SMG1: variants seen among roughly 807,000 people sequenced by gnomAD.
SMG1 encodes the protein serine/threonine-protein kinase SMG1.
Under a neutral mutation model 419.9 loss-of-function variants are expected in SMG1, and 22 were observed. That is an observed-to-expected ratio of 0.05 (90% CI 0.04 to 0.07). The LOEUF (loss-of-function observed/expected upper bound fraction) is 0.07, where lower values mean the gene tolerates loss of function less well. SMG1 is among the 10% of genes least tolerant of loss of function. The pLI is 1.00. For synonymous variants in SMG1, 1,538 were observed against 1,553.5 expected, an observed-to-expected ratio of 0.99 and a Z score of 0.23; for missense variants, 3,185 against 4,342.0, an observed-to-expected ratio of 0.73 and a Z score of 7.49.
intron 23 of SMG1, among the ~76,000 whole-genome samples, chr16:18,864,939 T>TA (rs1384540393): frequency 2.0e-5 from 3 of 152,132 alleles, no homozygotes; most frequent in Non-Finnish European, 2.9e-5. Flanking sequence ...TAAATGTTTT[T>TA]AAAAAAATGT....
In SMG1 at chr16:18,915,842, G is replaced by A. The variant is rs1212929024; in HGVS notation, c.92+10108C>T. 4.6e-5 allele frequency among the ~76,000 whole-genome samples: 7 copies of A among 151,620 alleles called. No homozygotes were observed. The East Asian group carries it at 9.9e-4, about 21-fold the overall frequency. ...CCAGCACTTTGGGAGGCCGAGGCAGGTGGATCACCTGAGGTCAGGAGTTCA... is the reference window on the plus strand; with the variant it reads ...CCAGCACTTTGGGAGGCCGAGGCAGATGGATCACCTGAGGTCAGGAGTTCA... On this transcript the variant is annotated intron_variant, in intron 1 of 62. Coordinates refer to ENST00000446231, the MANE Select transcript of SMG1 (RefSeq NM_015092.5).
intron 35 of SMG1, 41 bp from the exon 36 acceptor site, chr16:18,849,419 A>C: frequency 1.9e-6 from 3 of 1,556,736 alleles, no homozygotes; most frequent in Non-Finnish European, 2.6e-6. Flanking sequence ...AAAGTTATTT[A>C]AAACTATGAA....
chr16:18,897,842 G>A (rs2037195023), intron 1 of SMG1, among the ~76,000 whole-genome samples: 2 of 149,234 alleles, frequency 1.3e-5, no homozygotes, highest in Non-Finnish European at 3.0e-5. Context: ...TATAGCATAC[G>A]AAAAATCCAA....
chr16:18,880,549 C>A (rs1482407740), intron 10 of SMG1, among the ~76,000 whole-genome samples: 1 of 152,056 alleles, frequency 6.6e-6, no homozygotes, highest in Non-Finnish European at 1.5e-5. Flanking sequence ...CTCATCTCTA[C>A]TAAATTTGTT....
intron 55 of SMG1, among the ~76,000 whole-genome samples, chr16:18,827,470 T>A (rs1003725710): frequency 9.4e-5 from 13 of 138,212 alleles, no homozygotes; most frequent in South Asian, 2.3e-4. Flanking sequence ...ATATATATAT[T>A]TTTATATATA....
intron 1 of SMG1, among the ~76,000 whole-genome samples, chr16:18,906,892 T>G (rs1171318869): frequency 1.3e-5 from 2 of 152,240 alleles, no homozygotes; most frequent in African/African-American, 4.8e-5. Flanking sequence ...GCTCATCCTT[T>G]CAGCAGCTTT....
chr16:18,828,683 A>G (rs2032934173), intron 54 of SMG1, among the ~76,000 whole-genome samples: 1 of 152,262 alleles, frequency 6.6e-6, no homozygotes, highest in South Asian at 2.1e-4. Flanking sequence ...GCATACCTAC[A>G]TATGAATGAA....
At chr16:18,840,792 A>T (rs1299642207) in intron 41 of SMG1, among the ~76,000 whole-genome samples, 1 of 152,206 alleles carries the variant, frequency 6.6e-6, no homozygotes, top group Non-Finnish European at 1.5e-5. Flanking sequence ...CAATAAAAAC[A>T]CTAAGATGTA....
chr16:18,836,159 G>T lies in SMG1; in HGVS notation c.7831C>A (p.His2611Asn). The T allele has an allele frequency of 6.2e-7, 1 of 1,611,628 alleles. No individual in the cohort carries two copies. Among genetic ancestry groups the T allele is most frequent in the Non-Finnish European group, 8.5e-7 (1 of 1,178,910 alleles). The stretch of plus-strand genomic sequence containing the variant: ...AGCTGCTCGCACTGGCTAATCAAGT[G>T]GGCCTGACCAGCATTCTGCAGAAAG... ...TAFLQNAGQAHLISQCEQLEG... is the reference protein window; with the variant it reads ...TAFLQNAGQANLISQCEQLEG... Residue 2611 changes from histidine (H) to asparagine (N), a missense_variant, in exon 48 of 63, where the codon CAC (histidine) becomes AAC (asparagine). By Grantham distance (68) the His-to-Asn change is moderately conservative. Transcript: ENST00000446231.
chr16:18,816,291 A>G lies in SMG1; in HGVS notation c.10302+11T>C. 6.2e-7 allele frequency: 1 copy of G among 1,603,678 alleles called. No individual in the cohort carries two copies. The highest frequency in any genetic ancestry group is 8.5e-7 in the Non-Finnish European group (1 of 1,171,372). On this transcript the variant is annotated intron_variant, in intron 58 of 62. Transcript: ENST00000446231. ...GGGAGAGTAAATGTGTGTTCATGGT[A>G]TTAGTCTTACCTTAGCCATAGCTTT...
In SMG1 at chr16:18,845,594, T is replaced by C. The variant is rs1442661378; in HGVS notation, c.6054A>G (p.Val2018=). ...TACTCCTCACATGCTCCAAAGCAAA[T>C]ACGATGGGCTTCATCAAAGCTGTGT... is the stretch of plus-strand genomic sequence containing the variant. The part of the protein sequence containing the change: ...EKHTALMKPI[V]FALEHVRSIT... Residue 2018 remains valine (V), a synonymous_variant, in exon 39 of 63, where the codon GTA becomes GTG. Coordinates refer to ENST00000446231, the MANE Select transcript of SMG1 (RefSeq NM_015092.5). The C allele has an allele frequency of 6.2e-7, 1 of 1,613,452 alleles. No homozygotes were observed. Among genetic ancestry groups the C allele is most frequent in the Admixed American group, 1.7e-5 (1 of 60,014 alleles).
In SMG1 at chr16:18,837,327, G is replaced by A. The variant is rs1459452098; in HGVS notation, c.7530C>T (p.Gly2510=). 1 of 1,613,828 alleles carries A rather than the reference G, an allele frequency of 6.2e-7. No individual in the cohort carries two copies. Among genetic ancestry groups the A allele is most frequent in the Non-Finnish European group, 8.5e-7 (1 of 1,179,884 alleles). ...EQLTDVEKLQ[G]KLLEEIEFLE... is the part of the protein sequence containing the mutation. ...GAAACTCTATTTCCTCCAGTAGTTT[G>A]CCCTGCAGTTTTTCCACATCTGTCA... The change falls in exon 46 of 63, where the codon GGC becomes GGT. Residue 2510 remains glycine, a synonymous_variant. Transcript: ENST00000446231.
chr16:18,886,404 T>C (rs1338469553), intron 6 of SMG1, among the ~76,000 whole-genome samples: 2 of 152,210 alleles, frequency 1.3e-5, no homozygotes, highest in Non-Finnish European at 2.9e-5. Flanking sequence ...TGTCATTCCA[T>C]TGAAAGAATA....
intron 10 of SMG1, 144 bp from the exon 11 acceptor site, chr16:18,879,863 G>A: frequency 1.3e-6 from 1 of 761,190 alleles, no homozygotes; most frequent in South Asian, 1.6e-5. Context: ...GTTCTCAGTA[G>A]TTGAATAATA....
chr16:18,920,516 C>A (rs2038156263), intron 1 of SMG1, among the ~76,000 whole-genome samples: 1 of 151,460 alleles, frequency 6.6e-6, no homozygotes, highest in African/African-American at 2.4e-5. Flanking sequence ...ATGGGGAGGC[C>A]CCATCTCTAC....
chr16:18,821,047 A>G (rs893633733), intron 55 of SMG1, among the ~76,000 whole-genome samples: 14 of 152,172 alleles, frequency 9.2e-5, no homozygotes, highest in African/African-American at 2.7e-4. Flanking sequence ...TCTATACAAC[A>G]TAAGAAATGC....
chr16:18,830,034 CA>C lies in SMG1; in HGVS notation c.9024del (p.Phe3008LeufsTer10). On this transcript the variant is annotated frameshift_variant, in exon 53 of 63. Transcript: ENST00000446231. LOFTEE classifies it high-confidence loss of function. Reference sequence around the variant, plus strand: ...AGCACCTGCCGGTGATTATCATCATCAAAAAAATTAACTTGAGTACTCCTGG... The same window carrying C: ...AGCACCTGCCGGTGATTATCATCATCAAAAAATTAACTTGAGTACTCCTGG... Reference protein sequence around the residue: ...REARSTQVNFFDDDNHRQVLE... With the variant: ...REARSTQVNFXDDDNHRQVLE... 1 of 1,598,896 alleles carries C rather than the reference CA, an allele frequency of 6.3e-7. No individual in the cohort carries two copies. Among genetic ancestry groups the C allele is most frequent in the Non-Finnish European group, 8.5e-7 (1 of 1,171,838 alleles).
At chr16:18,883,949 G>C (rs896756973) in intron 9 of SMG1, 121 bp downstream of exon 9, 30 of 410,964 alleles carry the variant, frequency 7.3e-5, no homozygotes, top group African/African-American at 5.7e-4. Context: ...TTAAAATATT[G>C]CAATGGGCAT....
chr16:18,828,858 C>T (rs889326899), intron 54 of SMG1, among the ~76,000 whole-genome samples: 1 of 152,018 alleles, frequency 6.6e-6, no homozygotes, highest in African/African-American at 2.4e-5. Context: ...ATTAGCCAGG[C>T]GTGGTGGCAC....
Sources: allele counts gnomAD v4.1 joint callset (sites outside exome capture counted in the v4.1 genomes callset), GRCh38; gene constraint gnomAD v4.1.1; transcripts MANE v1.5; gene names NCBI Gene and HGNC (gene_info 2026-07-23, HGNC 2026-07-21).